ARMC8: variants seen among roughly 807,000 people sequenced by gnomAD.
ARMC8 encodes armadillo repeat-containing protein 8.
In ARMC8, 20 loss-of-function variants were observed where a neutral mutation model predicts 99.3. The observed-to-expected ratio is 0.20, with a 90% CI of 0.14 to 0.29. The LOEUF (loss-of-function observed/expected upper bound fraction) is 0.29, where lower values mean the gene tolerates loss of function less well. Ranked by LOEUF, ARMC8 falls within the 10% of genes least tolerant of loss-of-function variation. The pLI is 1.00. For missense variants in ARMC8, 569 were observed against 809.5 expected (o/e 0.70, Z 3.60); for synonymous variants, 263 against 278.3 (o/e 0.95, Z 0.55).
chr3:138,237,074 A>T (rs1381344799), intron 7 of ARMC8, among the ~76,000 whole-genome samples: 1 of 152,188 alleles, frequency 6.6e-6, no homozygotes, highest in African/African-American at 2.4e-5. Context: ...TTATCTAGTT[A>T]AATTTAAATT....
intron 18 of ARMC8, among the ~76,000 whole-genome samples, chr3:138,276,381 G>GT (rs2049294800): frequency 6.6e-6 from 1 of 152,172 alleles, no homozygotes; most frequent in Admixed American, 6.6e-5. Context: ...TAAAACATAT[G>GT]TATCACTGCC....
intron 1 of ARMC8, among the ~76,000 whole-genome samples, chr3:138,204,886 A>T: frequency 6.6e-6 from 1 of 151,818 alleles, no homozygotes; most frequent in East Asian, 1.9e-4. Context: ...ACTTTTTCCT[A>T]AACTCTAGGC....
chr3:138,273,821 CTTT>C (rs764799623), intron 17 of ARMC8, among the ~76,000 whole-genome samples: 1 of 145,202 alleles, frequency 6.9e-6, no homozygotes. Flanking sequence ...ATGCTTCCCC[CTTT>C]TTTTTTTTTT....
intron 1 of ARMC8, among the ~76,000 whole-genome samples, chr3:138,203,770 A>C (rs1329578209): frequency 1.3e-5 from 2 of 152,178 alleles, no homozygotes. Flanking sequence ...GCTTCCACAT[A>C]ATACTTTTCC....
At chr3:138,285,240 A>G (rs1560049119) in intron 19 of ARMC8, among the ~76,000 whole-genome samples, 1 of 152,118 alleles carries the variant, frequency 6.6e-6, no homozygotes, top group African/African-American at 2.4e-5. Context: ...CATTCTTTAG[A>G]CCTCACCTCT....
chr3:138,200,683 A>G (rs1263181657), intron 1 of ARMC8, among the ~76,000 whole-genome samples: 1 of 151,996 alleles, frequency 6.6e-6, no homozygotes, highest in Non-Finnish European at 1.5e-5. Context: ...TTTCTGAGTG[A>G]TGTGTGTGTC....
intron 12 of ARMC8, among the ~76,000 whole-genome samples, chr3:138,256,877 T>C (rs2047436878): frequency 6.6e-6 from 1 of 152,208 alleles, no homozygotes; most frequent in South Asian, 2.1e-4. Context: ...GATCTCAATT[T>C]AGTTAAGGCT....
chr3:138,290,107 G>A (rs922107788), intron 20 of ARMC8, among the ~76,000 whole-genome samples: 1 of 152,220 alleles, frequency 6.6e-6, no homozygotes, highest in Non-Finnish European at 1.5e-5. Flanking sequence ...AACAAAAAGT[G>A]CTGGGAGGAC....
rs1013280098 is a variant in ARMC8 at position 138,275,771 on chromosome 3, T to A, written c.1725+1227T>A. Among the ~76,000 whole-genome samples the A allele has an allele frequency of 1.1e-4, 16 of 152,166 alleles. No homozygotes were observed. The East Asian group carries it at 2.9e-3, about 27-fold the overall frequency. The stretch of plus-strand genomic sequence containing the variant: ...GTAGGTCTTAGGAGCTGCAATTGAA[T>A]TTGTGAGCAAAAAGTTGGTAGGTTT... On this transcript the variant is annotated intron_variant, in intron 18 of 21. Transcript: ENST00000469044.
At chr3:138,246,970 C>T in intron 12 of ARMC8, 1 of 603,638 alleles carries the variant, frequency 1.7e-6, no homozygotes, top group Non-Finnish European at 2.1e-6. Context: ...TATTTAATTT[C>T]TGGGAAATTA....
chr3:138,201,624 G>A (rs1231204378), intron 1 of ARMC8, among the ~76,000 whole-genome samples: 1 of 151,594 alleles, frequency 6.6e-6, no homozygotes, highest in Non-Finnish European at 1.5e-5. Context: ...ACCACACCCG[G>A]CTAATTTTTG....
intron 1 of ARMC8, among the ~76,000 whole-genome samples, chr3:138,193,263 C>T (rs764648711): frequency 1.1e-4 from 16 of 151,612 alleles, no homozygotes; most frequent in African/African-American, 1.9e-4. Flanking sequence ...GCCACCGCGC[C>T]GGCTTATCTT....
chr3:138,295,587 G>A (rs2051410169), intron 21 of ARMC8, among the ~76,000 whole-genome samples: 1 of 152,180 alleles, frequency 6.6e-6, no homozygotes, highest in African/African-American at 2.4e-5. Flanking sequence ...CACATACCAG[G>A]GACTGTGGAA....
chr3:138,195,254 C>T lies in ARMC8; in HGVS notation c.45+7655C>T, dbSNP rs1434676628. Among the ~76,000 whole-genome samples, 5 of 148,408 alleles carry T rather than the reference C, an allele frequency of 3.4e-5. No homozygotes were observed. In the East Asian group the frequency reaches 8.0e-4, roughly 24 times the overall value. On this transcript the variant is annotated intron_variant, in intron 1 of 21. Coordinates refer to ENST00000469044, the MANE Select transcript of ARMC8 (RefSeq NM_001363941.2). Reference sequence around the variant, plus strand: ...GATTGCGCCACTGCAGTCCGCAGTCCGGCCTGGGCGACAGAGCGAGACTCC... The same window carrying T: ...GATTGCGCCACTGCAGTCCGCAGTCTGGCCTGGGCGACAGAGCGAGACTCC...
intron 6 of ARMC8, among the ~76,000 whole-genome samples, chr3:138,230,187 C>G (rs181977355): frequency 1.1e-3 from 169 of 152,280 alleles, no homozygotes; most frequent in African/African-American, 3.9e-3. Flanking sequence ...GCCTTATAAT[C>G]TTTTGAGGTG....
intron 2 of ARMC8, among the ~76,000 whole-genome samples, chr3:138,211,407 T>G (rs963506319): frequency 6.6e-6 from 1 of 152,250 alleles, no homozygotes. Context: ...CTATCTGATA[T>G]GAGTAGCTGA....
At chr3:138,218,988 T>C (rs1214076318) in intron 2 of ARMC8, among the ~76,000 whole-genome samples, 1 of 152,148 alleles carries the variant, frequency 6.6e-6, no homozygotes, top group Non-Finnish European at 1.5e-5. Flanking sequence ...TCTTTTCCAT[T>C]GGTTCGTTGT....
chr3:138,229,132 GTGTATA>G (rs1203203981), intron 6 of ARMC8, 122 bp downstream of exon 6: 1 of 110,076 alleles, frequency 9.1e-6, no homozygotes, highest in African/African-American at 4.9e-5. Context: ...GTGTGTGTGC[GTGTATA>G]TATATATATA....
intron 1 of ARMC8, among the ~76,000 whole-genome samples, chr3:138,194,123 A>C (rs904474790): frequency 2.7e-4 from 41 of 150,834 alleles, no homozygotes; most frequent in Middle Eastern, 3.4e-3. Context: ...GCTCACTGCA[A>C]CCTCCGCCTC....
Sources: allele counts gnomAD v4.1 joint callset (sites outside exome capture counted in the v4.1 genomes callset), GRCh38; gene constraint gnomAD v4.1.1; transcripts MANE v1.5; gene names NCBI Gene and HGNC (gene_info 2026-07-23, HGNC 2026-07-21).